CDK15: variants seen among roughly 807,000 people sequenced by gnomAD.
CDK15 encodes cyclin dependent kinase 15, also known as cyclin-dependent kinase 15.
In CDK15, 62 loss-of-function variants were observed where a neutral mutation model predicts 60.3. The ratio of observed to expected loss-of-function variants is 1.03; its 90% CI spans 0.84 to 1.27. The LOEUF (loss-of-function observed/expected upper bound fraction) is 1.27. Ranked by LOEUF, CDK15 falls within the 50% of genes most tolerant of loss-of-function variation. The pLI is 0.00. For synonymous variants in CDK15, 194 were observed against 195.7 expected (o/e 0.99, Z 0.07); for missense variants, 541 against 527.8 (o/e 1.03, Z -0.25).
intron 4 of CDK15, among the ~76,000 whole-genome samples, chr2:201,813,130 G>A (rs2106155306): frequency 6.6e-6 from 1 of 152,250 alleles, no homozygotes; most frequent in Admixed American, 6.5e-5. Flanking sequence ...TTATTACTCA[G>A]TTTCTTGCAG....
intron 9 of CDK15, among the ~76,000 whole-genome samples, chr2:201,849,179 C>G (rs1559133774): frequency 6.6e-6 from 1 of 152,216 alleles, no homozygotes; most frequent in African/African-American, 2.4e-5. Flanking sequence ...ATAATAAGGA[C>G]TTTCTAATTC....
At chr2:201,846,944 A>G (rs1023962220) in intron 8 of CDK15, among the ~76,000 whole-genome samples, 1 of 152,246 alleles carries the variant, frequency 6.6e-6, no homozygotes, top group Admixed American at 6.5e-5. Flanking sequence ...CAGCCCTTTC[A>G]ATAAGTATAA....
At chr2:201,861,551 G>GTTTTTTTTTTTTTTT (rs538808229) in intron 10 of CDK15, 5 of 627,218 alleles carry the variant, frequency 8.0e-6, no homozygotes, top group South Asian at 7.4e-5. Context: ...TTGTTGGTTT[G>GTTTTTTTTTTTTTTT]TTTTTTTTTT....
At chr2:201,876,002 G>A (rs981760485) in intron 11 of CDK15, among the ~76,000 whole-genome samples, 1 of 152,074 alleles carries the variant, frequency 6.6e-6, no homozygotes, top group Non-Finnish European at 1.5e-5. Flanking sequence ...TTGGGCGGGG[G>A]GTTTTCCTAC....
At chr2:201,840,173 C>T (rs1021448707) in intron 8 of CDK15, among the ~76,000 whole-genome samples, 8 of 151,962 alleles carry the variant, frequency 5.3e-5, no homozygotes, top group Middle Eastern at 3.2e-3. Context: ...TTAGTAGAGA[C>T]GGAGTTTCGC....
intron 12 of CDK15, chr2:201,888,637 A>T (rs1699542905): frequency 7.2e-7 from 1 of 1,388,526 alleles, no homozygotes; most frequent in Non-Finnish European, 9.3e-7. Context: ...GTTGGGAAGG[A>T]GAGTCTGGCA....
intron 12 of CDK15, among the ~76,000 whole-genome samples, chr2:201,883,644 G>T (rs1217522144): frequency 6.6e-6 from 1 of 152,234 alleles, no homozygotes; most frequent in Non-Finnish European, 1.5e-5. Flanking sequence ...AACACCTGAA[G>T]AAACACTTGT....
At chr2:201,861,747 G>A (rs945114737) in intron 10 of CDK15, among the ~76,000 whole-genome samples, 18 of 151,934 alleles carry the variant, frequency 1.2e-4, no homozygotes, top group African/African-American at 3.6e-4. Flanking sequence ...TTTTAGTAGA[G>A]ACAGGGTTTC....
chr2:201,857,328 T>A (rs1698188147), intron 10 of CDK15, among the ~76,000 whole-genome samples: 1 of 151,840 alleles, frequency 6.6e-6, no homozygotes, highest in South Asian at 2.1e-4. Context: ...ATGTGCAGTT[T>A]TTCTATATAA....
At chr2:201,881,578 T>C (rs1013515266) in intron 12 of CDK15, among the ~76,000 whole-genome samples, 3 of 152,098 alleles carry the variant, frequency 2.0e-5, no homozygotes, top group Non-Finnish European at 4.4e-5. Context: ...AGAGACTATG[T>C]GTGTGTTGAA....
intron 8 of CDK15, among the ~76,000 whole-genome samples, chr2:201,838,575 A>T (rs1407823782): frequency 6.8e-6 from 1 of 146,238 alleles, no homozygotes; most frequent in East Asian, 2.0e-4. Flanking sequence ...TGGCTAATTA[A>T]AAAAAAAAAA....
intron 12 of CDK15, chr2:201,888,728 C>T: frequency 8.4e-7 from 1 of 1,196,922 alleles, no homozygotes. Flanking sequence ...CTCTCTCTCT[C>T]CCTCCCTCCC....
intron 9 of CDK15, among the ~76,000 whole-genome samples, chr2:201,854,609 G>A (rs1393746612): frequency 6.6e-6 from 1 of 152,186 alleles, no homozygotes; most frequent in African/African-American, 2.4e-5. Context: ...CTTTGAGCAA[G>A]GCTGTATGAT....
chr2:201,808,205 T>G (rs1276281099), intron 3 of CDK15, among the ~76,000 whole-genome samples: 1 of 152,212 alleles, frequency 6.6e-6, no homozygotes, highest in Admixed American at 6.5e-5. Flanking sequence ...TTCAGAGAAT[T>G]CAAAGAAAAT....
intron 3 of CDK15, chr2:201,808,628 A>T (rs544629824): frequency 1.3e-5 from 2 of 152,138 alleles, no homozygotes; most frequent in African/African-American, 4.8e-5. Context: ...TGTTACTCCA[A>T]TAGAGAGAAA....
At chr2:201,842,903 C>CG (rs1475559626) in intron 8 of CDK15, among the ~76,000 whole-genome samples, 1 of 152,136 alleles carries the variant, frequency 6.6e-6, no homozygotes, top group African/African-American at 2.4e-5. Context: ...GGCTGCCCCA[C>CG]GGGTATCTCC....
At chr2:201,854,690 A>G (rs2105787539) in intron 9 of CDK15, 184 bp from the exon 10 acceptor site, 2 of 588,144 alleles carry the variant, frequency 3.4e-6, no homozygotes, top group South Asian at 4.6e-5. Flanking sequence ...GTTTTGCCCA[A>G]GAAACCACAA....
chr2:201,885,053 C>T (rs1699410031), intron 12 of CDK15, among the ~76,000 whole-genome samples: 2 of 152,168 alleles, frequency 1.3e-5, no homozygotes, highest in South Asian at 4.1e-4. Flanking sequence ...AGAGGAAGGG[C>T]ATACGGGCAA....
intron 11 of CDK15, 60 bp from the exon 12 acceptor site, chr2:201,879,968 C>T (rs553475647): frequency 1.9e-6 from 3 of 1,581,122 alleles, no homozygotes; most frequent in Admixed American, 1.9e-5. Context: ...GTTTTTATCC[C>T]TTTGTTTTTC....
Sources: gnomAD v4.1 joint callset for allele counts (sites outside exome capture counted in the v4.1 genomes callset) on GRCh38, gnomAD v4.1.1 for gene constraint, MANE v1.5 for transcripts, NCBI Gene and HGNC (gene_info 2026-07-23, HGNC 2026-07-21) for gene names.